TFB1M: variants seen among roughly 807,000 people sequenced by gnomAD.
TFB1M encodes transcription factor B1, mitochondrial, also known as dimethyladenosine transferase 1, mitochondrial.
TFB1M carries 27 observed loss-of-function variants against 31.1 expected under a neutral mutation model. The ratio of observed to expected loss-of-function variants is 0.87; its 90% CI spans 0.64 to 1.20. TFB1M has a LOEUF of 1.20. Among genes scored for constraint, TFB1M ranks in the 50% most tolerant of loss-of-function variants. TFB1M has a pLI of 0.00. For synonymous variants in TFB1M, 166 were observed against 151.8 expected (o/e 1.09, Z -0.69); for missense variants, 394 against 418.7 (o/e 0.94, Z 0.51).
chr6:155,307,138 C>CACACACAT (rs1554257822), intron 2 of TFB1M, among the ~76,000 whole-genome samples: 2,600 of 34,606 alleles, frequency 0.075, 49 homozygotes, highest in South Asian at 0.27. Context: ...CAAACACATA[C>CACACACAT]ACACACACAC....
At chr6:155,267,509 T>C (rs1479608585) in intron 5 of TFB1M, among the ~76,000 whole-genome samples, 2 of 152,210 alleles carry the variant, frequency 1.3e-5, no homozygotes, top group Non-Finnish European at 2.9e-5. Context: ...AGAAAGCTCA[T>C]TGGCACTAGA....
At chr6:155,307,491 T>C (rs1777833020) in intron 2 of TFB1M, among the ~76,000 whole-genome samples, 1 of 152,038 alleles carries the variant, frequency 6.6e-6, no homozygotes, top group Non-Finnish European at 1.5e-5. Context: ...ACCCATCCAC[T>C]ATCATGAGAA....
chr6:155,240,505 T>C, the TFB1M span: 1 of 1,585,662 alleles, frequency 6.3e-7, no homozygotes, highest in Admixed American at 1.7e-5. Context: ...CCGTGCATTA[T>C]TTTCCACCTC....
intron 2 of TFB1M, among the ~76,000 whole-genome samples, chr6:155,307,336 C>T (rs1777825948): frequency 6.6e-6 from 1 of 152,136 alleles, no homozygotes; most frequent in African/African-American, 2.4e-5. Flanking sequence ...GAGGTTTAGA[C>T]TCACAGTTCC....
In TFB1M at chr6:155,298,562, C is replaced by T. The variant is rs1225037854; in HGVS notation, c.309G>A (p.Gly103=). The change falls in exon 3 of 7, where the codon GGG becomes GGA. Residue 103 remains glycine (G), a synonymous_variant. Transcript: ENST00000367166. The part of the protein sequence containing the change: ...GLQMLSDAAP[G]KLRIVHGDVL... ...CATCTCCATGAACAATTCTCAGTTT[C>T]CCAGGTGCTGCATCAGAAAGCATCT... is the stretch of plus-strand genomic sequence containing the variant. 3 of 1,612,704 alleles carry T rather than the reference C, an allele frequency of 1.9e-6. No individual in the cohort carries two copies. The highest frequency in any genetic ancestry group is 2.5e-6 in the Non-Finnish European group (3 of 1,178,974).
intron 4 of TFB1M, among the ~76,000 whole-genome samples, chr6:155,291,461 A>C (rs931029410): frequency 3.3e-5 from 5 of 152,338 alleles, no homozygotes; most frequent in Admixed American, 3.3e-4. Flanking sequence ...GAAATGACAA[A>C]GACCTTAAGA....
At chr6:155,235,964 A>T in the TFB1M span, among the ~76,000 whole-genome samples, 1 of 152,158 alleles carries the variant, frequency 6.6e-6, no homozygotes, top group Non-Finnish European at 1.5e-5. Context: ...ATTTTATCAG[A>T]TCTTATTTTA....
the TFB1M span, chr6:155,244,574 GATTT>G: frequency 8.8e-6 from 13 of 1,478,452 alleles, no homozygotes; most frequent in African/African-American, 1.4e-5. Flanking sequence ...ATTTCCTTGT[GATTT>G]ATTTGTGGGC....
chr6:155,306,620 CA>C (rs532370278), intron 2 of TFB1M, among the ~76,000 whole-genome samples: 8 of 148,796 alleles, frequency 5.4e-5, no homozygotes, highest in African/African-American at 7.4e-5. Flanking sequence ...GATACCAGAC[CA>C]AAAAAAAAGT....
In TFB1M at chr6:155,257,328, A is replaced by T. The variant is rs1381363645; in HGVS notation, c.*508T>A. 7.8e-5 allele frequency: 46 copies of T among 591,020 alleles called. No homozygotes were observed. The highest frequency in any genetic ancestry group is 1.3e-4 in the Non-Finnish European group (44 of 346,214). The allele number at this position is 591,020 out of a possible 1,614,324, so 36.6% of individuals were successfully genotyped here. A position where few individuals can be genotyped will look rare whatever the true frequency, so the allele number is the denominator to read the frequency against. On this transcript the variant is annotated 3_prime_UTR_variant, in exon 7 of 7. Coordinates refer to ENST00000367166, the MANE Select transcript of TFB1M (RefSeq NM_016020.4). Reference sequence around the variant, plus strand: ...TAGATGAAACTGGTCAGAATCTGTAAATTACTTAGTTTATATCCACTTTGA... The same window carrying T: ...TAGATGAAACTGGTCAGAATCTGTATATTACTTAGTTTATATCCACTTTGA...
At chr6:155,277,901 A>G (rs1583334303) in intron 5 of TFB1M, among the ~76,000 whole-genome samples, 1 of 152,334 alleles carries the variant, frequency 6.6e-6, no homozygotes, top group Non-Finnish European at 1.5e-5. Flanking sequence ...CTGGGTTTAC[A>G]TAGTCTATGT....
the TFB1M span, among the ~76,000 whole-genome samples, chr6:155,241,236 C>T: frequency 6.6e-6 from 1 of 152,142 alleles, no homozygotes; most frequent in East Asian, 1.9e-4. Flanking sequence ...CTTGAGTACC[C>T]GAAGAATTCA....
rs751725239 is a variant in TFB1M, at chr6:155,258,065, G to A, written c.812C>T (p.Ala271Val). The change falls in exon 7 of 7, where the codon GCG (alanine) becomes GTG (valine). Residue 271 changes from alanine to valine, a missense_variant. Physicochemically the swap from Ala to Val is moderately conservative, Grantham distance 64. Coordinates refer to ENST00000367166, the MANE Select transcript of TFB1M (RefSeq NM_016020.4). ...HRGLRMLFPEAQRLESTGRLL... is the reference protein window; with the variant it reads ...HRGLRMLFPEVQRLESTGRLL... The stretch of plus-strand genomic sequence containing the variant: ...CCTGCCCGTGCTTTCCAAGCGCTGC[G>A]CTTCAGGGAATAACATTCTGAGGGG... 10 of 1,614,044 alleles carry A rather than the reference G, an allele frequency of 6.2e-6. No individual in the cohort carries two copies. The highest frequency in any genetic ancestry group is 1.6e-4 in the Middle Eastern group (1 of 6,084).
intron 5 of TFB1M, among the ~76,000 whole-genome samples, chr6:155,281,721 C>CAAAAAA (rs1217317032): frequency 1.3e-4 from 8 of 63,224 alleles, no homozygotes; most frequent in Admixed American, 6.5e-4. Flanking sequence ...GACTCTGTCT[C>CAAAAAA]AAAAAAAAAA....
At chr6:155,308,835 C>T (rs1241953434) in intron 2 of TFB1M, among the ~76,000 whole-genome samples, 2 of 152,064 alleles carry the variant, frequency 1.3e-5, no homozygotes, top group Non-Finnish European at 2.9e-5. Flanking sequence ...AAAATGGTAT[C>T]CTTAAAATAG....
chr6:155,257,179 A>C lies in TFB1M; in HGVS notation c.*657T>G. ...CATTTTACTTTTAAACTGGTGGTAA[A>C]GTGGAAATTGCAAAAAAAAAAAAAA... On this transcript the variant is annotated 3_prime_UTR_variant, in exon 7 of 7. Transcript: ENST00000367166. 1 of 1,107,360 alleles carries C rather than the reference A, an allele frequency of 9.0e-7. No individual in the cohort carries two copies. Among genetic ancestry groups the C allele is most frequent in the Middle Eastern group, 2.1e-4 (1 of 4,666 alleles). 68.6% of individuals were successfully genotyped at this position (1,107,360 alleles called of 1,614,324 possible). A position where few individuals can be genotyped will look rare whatever the true frequency, so the allele number is the denominator to read the frequency against.
rs1784191799 is a variant in TFB1M, at chr6:155,258,050, C to T, written c.827G>A (p.Ser276Asn). The T allele has an allele frequency of 6.2e-7, 1 of 1,614,078 alleles. No homozygotes were observed. The highest frequency in any genetic ancestry group is 1.7e-5 in the Admixed American group (1 of 60,006). The change falls in exon 7 of 7, where the codon AGC becomes AAC. Residue 276 changes from serine (S) to asparagine (N), a missense_variant. Physicochemically the swap from Ser to Asn is conservative, Grantham distance 46 (BLOSUM62 1). Around this residue, in one of 3 missense-constraint regions of TFB1M, gnomAD observed 115 missense variants for 144.1 expected, o/e 0.80. Coordinates refer to ENST00000367166, the MANE Select transcript of TFB1M (RefSeq NM_016020.4). ...MLFPEAQRLE[S>N]TGRLLELADI... is the part of the protein sequence containing the mutation. ...TGCCAACTCTAACAGCCTGCCCGTGCTTTCCAAGCGCTGCGCTTCAGGGAA... is the reference window on the plus strand; with the variant it reads ...TGCCAACTCTAACAGCCTGCCCGTGTTTTCCAAGCGCTGCGCTTCAGGGAA...
intron 2 of TFB1M, among the ~76,000 whole-genome samples, chr6:155,307,544 C>T (rs1244929665): frequency 1.3e-5 from 2 of 152,176 alleles, no homozygotes; most frequent in Non-Finnish European, 2.9e-5. Flanking sequence ...TCATCTCCCA[C>T]TGAGTCCCTC....
chr6:155,286,100 G>C (rs924919510), intron 4 of TFB1M, among the ~76,000 whole-genome samples: 1 of 152,034 alleles, frequency 6.6e-6, no homozygotes, highest in East Asian at 1.9e-4. Flanking sequence ...AAGCACATTA[G>C]ATATTTAACA....
Sources: gnomAD v4.1 joint callset for allele counts (sites outside exome capture counted in the v4.1 genomes callset) on GRCh38, gnomAD v4.1.1 for gene constraint, gnomAD v4.1.1 regional missense constraint, MANE v1.5 for transcripts, NCBI Gene and HGNC (gene_info 2026-07-23, HGNC 2026-07-21) for gene names.